Variants in OR1L8 observed in about 807,000 individuals in gnomAD.
The protein encoded by OR1L8 is olfactory receptor family 1 subfamily L member 8.
For missense variants in OR1L8, 330 were observed against 377.4 expected (o/e 0.87, Z 1.04); for synonymous variants, 148 against 147.0 (o/e 1.01, Z -0.05).
At chr9:122,571,961 C>G (rs1829561350) in intron 4 of OR1L8, among the ~76,000 whole-genome samples, 1 of 152,174 alleles carries the variant, frequency 6.6e-6, no homozygotes, top group Non-Finnish European at 1.5e-5. Context: ...CCTCACAGTT[C>G]TGCAGAGTTT....
the OR1L8 span, chr9:122,553,500 T>TA: frequency 6.2e-7 from 1 of 1,613,874 alleles, no homozygotes; most frequent in Non-Finnish European, 8.5e-7. Context: ...GATCATCTCG[T>TA]ATTCTGGGTG....
chr9:122,576,416 G>A (rs75664842), intron 3 of OR1L8, among the ~76,000 whole-genome samples: 5,225 of 146,736 alleles, frequency 0.036, 209 homozygotes, highest in African/African-American at 0.095. Context: ...GTATTTTTTA[G>A]TAGAGATGTG....
intron 4 of OR1L8, among the ~76,000 whole-genome samples, chr9:122,572,349 C>G (rs920847873): frequency 6.6e-6 from 1 of 152,136 alleles, no homozygotes; most frequent in African/African-American, 2.4e-5. Context: ...AAAAAGCAGT[C>G]ATTCATGAAA....
chr9:122,576,115 C>T (rs962979584), intron 3 of OR1L8, among the ~76,000 whole-genome samples: 1 of 152,058 alleles, frequency 6.6e-6, no homozygotes, highest in Non-Finnish European at 1.5e-5. Flanking sequence ...ATATACATTG[C>T]TCCTTTTAAG....
the OR1L8 span, among the ~76,000 whole-genome samples, chr9:122,556,980 C>T: frequency 1.3e-5 from 2 of 152,090 alleles, no homozygotes; most frequent in Non-Finnish European, 2.9e-5. Context: ...TTATATCTAA[C>T]AAATTGGGGG....
chr9:122,552,230 T>A, the OR1L8 span, among the ~76,000 whole-genome samples: 1 of 152,102 alleles, frequency 6.6e-6, no homozygotes, highest in Non-Finnish European at 1.5e-5. Context: ...TTACAAAAGC[T>A]TCTAAGGCCA....
rs536058713 is a variant in OR1L8, at chr9:122,572,300, A to G, written c.-213+480T>C. Among the ~76,000 whole-genome samples the G allele has an allele frequency of 2.4e-4, 36 of 152,316 alleles. No individual in the cohort carries two copies. In the South Asian group the frequency reaches 6.8e-3, roughly 29 times the overall value. ...CATATCAAATAGCAAGTGAGATACCATGTCTGAAAAGCAGTGTGTCAAACA... is the reference window on the plus strand; with the variant it reads ...CATATCAAATAGCAAGTGAGATACCGTGTCTGAAAAGCAGTGTGTCAAACA... On this transcript the variant is annotated intron_variant, in intron 4 of 4. Transcript: ENST00000641027.
At chr9:122,549,515 A>C in the OR1L8 span, among the ~76,000 whole-genome samples, 1 of 152,130 alleles carries the variant, frequency 6.6e-6, no homozygotes, top group East Asian at 1.9e-4. Context: ...TAAGTCTTTA[A>C]TCCATCTTGA....
At position 122,568,445 on chromosome 9, in the gene OR1L8, G is replaced by A. The variant is rs41305505; in HGVS notation, c.33C>T (p.Ser11=). The change falls in exon 5 of 5, where the codon TCC becomes TCT. Residue 11 remains serine (S), a synonymous_variant. Transcript: ENST00000641027. The stretch of plus-strand genomic sequence containing the variant: ...AGGAGAGTCCCAGGAGGATAAACTC[G>A]GAGACACTGCTGGTGTGGTTGATTC... MERINHTSSV[S]EFILLGLSSR... 9.3e-5 allele frequency: 149 copies of A among 1,608,294 alleles called. No individual in the cohort carries two copies. The highest frequency in any genetic ancestry group is 1.7e-4 in the Middle Eastern group (1 of 6,022).
the OR1L8 span, chr9:122,554,050 T>C: frequency 6.2e-7 from 1 of 1,613,836 alleles, no homozygotes; most frequent in Non-Finnish European, 8.5e-7. Context: ...GCTGCTGTTC[T>C]CTATATGGTG....
At chr9:122,583,076 T>C (rs1320497149) in intron 1 of OR1L8, among the ~76,000 whole-genome samples, 1 of 151,926 alleles carries the variant, frequency 6.6e-6, no homozygotes, top group Non-Finnish European at 1.5e-5. Context: ...AGCAATACGT[T>C]TTGATGTGTA....
chr9:122,560,626 C>A, the OR1L8 span, among the ~76,000 whole-genome samples: 3,801 of 152,248 alleles, frequency 0.025, 65 homozygotes, highest in Non-Finnish European at 0.036. Flanking sequence ...GTTGAAAATT[C>A]TTCTCTTTAA....
chr9:122,551,695 C>A, the OR1L8 span, among the ~76,000 whole-genome samples: 360 of 152,194 alleles, frequency 2.4e-3, 1 homozygote, highest in Non-Finnish European at 4.3e-3. Context: ...GTCCTCAGCT[C>A]CCCTAGGATC....
Position 122,567,766 on chromosome 9 carries a change from C to T in OR1L8, c.712G>A (p.Ala238Thr), listed in dbSNP as rs1829458248. Residue 238 changes from alanine (A) to threonine (T), a missense_variant, in exon 5 of 5, where the codon GCC becomes ACC. Coordinates refer to ENST00000641027, the MANE Select transcript of OR1L8 (RefSeq NM_001004454.2). ...AGGTAAAAACCACAGGTGGAGAAGG[C>T]TTTGCGTTTCCCAGAAGTAGAGGGA... The part of the protein sequence containing the change: ...KIPSTSGKRK[A>T]FSTCGFYLTV... 2 of 1,613,948 alleles carry T rather than the reference C, an allele frequency of 1.2e-6. No individual in the cohort carries two copies. The highest frequency in any genetic ancestry group is 1.7e-6 in the Non-Finnish European group (2 of 1,179,990).
In OR1L8 at chr9:122,568,495, T is replaced by G; in HGVS notation, c.-18A>C. 6.8e-7 allele frequency: 1 copy of G among 1,470,380 alleles called. No homozygotes were observed. The highest frequency in any genetic ancestry group is 9.2e-7 in the Non-Finnish European group (1 of 1,082,942). 91.1% of individuals were successfully genotyped at this position (1,470,380 alleles called of 1,614,324 possible). A position where few individuals can be genotyped will look rare whatever the true frequency, so the allele number is the denominator to read the frequency against. On this transcript the variant is annotated 5_prime_UTR_variant, in exon 5 of 5. Coordinates refer to ENST00000641027, the MANE Select transcript of OR1L8 (RefSeq NM_001004454.2). ...CTTTCCATTGACTTGGGCTCAGTTA[T>G]AAACAAGAAGTTTTGTCATTTAACA... is the stretch of plus-strand genomic sequence containing the variant.
At chr9:122,565,662 C>T (rs975249625), downstream of OR1L8, among the ~76,000 whole-genome samples, 7 of 152,158 alleles carry the variant, frequency 4.6e-5, no homozygotes, top group African/African-American at 1.4e-4. Context: ...GTATGGATCC[C>T]GTCACCCAGG....
At chr9:122,551,757 T>A in the OR1L8 span, among the ~76,000 whole-genome samples, 1 of 152,028 alleles carries the variant, frequency 6.6e-6, no homozygotes, top group African/African-American at 2.4e-5. Context: ...AGGTCGACCT[T>A]AACGAGCACA....
downstream of OR1L8, among the ~76,000 whole-genome samples, chr9:122,563,433 T>G (rs1392903087): frequency 6.6e-6 from 1 of 152,214 alleles, no homozygotes; most frequent in Non-Finnish European, 1.5e-5. Flanking sequence ...ATTTAGGTCT[T>G]TTCTCCATTT....
At chr9:122,554,068 C>T in the OR1L8 span, 1 of 1,613,470 alleles carries the variant, frequency 6.2e-7, no homozygotes, top group Admixed American at 1.7e-5. Context: ...GTGATTATTC[C>T]CACGCTAAAC....
Sources: gnomAD v4.1 joint callset for allele counts (sites outside exome capture counted in the v4.1 genomes callset) on GRCh38, gnomAD v4.1.1 for gene constraint, MANE v1.5 for transcripts, NCBI Gene and HGNC (gene_info 2026-07-23, HGNC 2026-07-21) for gene names.